DNAH8: variants seen among roughly 807,000 people sequenced by gnomAD.
The protein encoded by DNAH8 is axonemal beta dynein heavy chain 8.
A neutral mutation model predicts 562.1 loss-of-function variants in DNAH8; 382 were observed. That is an observed-to-expected ratio of 0.68 (90% CI 0.63 to 0.74). The LOEUF is 0.74. Ranked by LOEUF, DNAH8 falls within the 30% of genes least tolerant of loss-of-function variation. The pLI, the probability that DNAH8 is intolerant of heterozygous loss-of-function variation, is 0.00. For synonymous variants in DNAH8, 1,881 were observed against 1,919.4 expected (o/e 0.98, Z 0.52); for missense variants, 5,203 against 5,620.4 (o/e 0.93, Z 2.37).
chr6:38,906,262 A>G lies in DNAH8; in HGVS notation c.9203A>G (p.Asn3068Ser), dbSNP rs1382111352. 11 of 1,587,460 alleles carry G rather than the reference A, an allele frequency of 6.9e-6. No homozygotes were observed. The Admixed American group carries it at 7.1e-5, about 10-fold the overall frequency. ...IFQITLTRSYNVTNLTDDLKA... is the reference protein window; with the variant it reads ...IFQITLTRSYSVTNLTDDLKA... ...ATCATTTTTCTTCTTAGGTCTTACA[A>G]TGTGACTAATCTAACAGATGATTTA... The change falls in exon 63 of 93, where the codon AAT (asparagine) becomes AGT (serine). Residue 3068 changes from asparagine to serine, a missense_variant. Around this residue, in one of 6 missense-constraint regions of DNAH8, gnomAD observed 977 missense variants for 1,061.8 expected, o/e 0.92. Coordinates refer to ENST00000327475, the MANE Select transcript of DNAH8 (RefSeq NM_001206927.2).
At chr6:38,827,693 C>A (rs1773462295) in intron 29 of DNAH8, among the ~76,000 whole-genome samples, 1 of 122,042 alleles carries the variant, frequency 8.2e-6, no homozygotes, top group African/African-American at 3.1e-5. Context: ...ATTATTATAT[C>A]AAATTTTCCC....
At chr6:38,938,541 G>A (rs992976672) in intron 78 of DNAH8, among the ~76,000 whole-genome samples, 1 of 152,134 alleles carries the variant, frequency 6.6e-6, no homozygotes, top group African/African-American at 2.4e-5. Flanking sequence ...ACTAAATGAT[G>A]ATACCACATG....
chr6:38,717,952 A>C (rs1310057118), intron 1 of DNAH8, among the ~76,000 whole-genome samples: 2 of 152,208 alleles, frequency 1.3e-5, no homozygotes, highest in Admixed American at 1.3e-4. Flanking sequence ...GTATATACAC[A>C]TATACACACT....
chr6:38,789,397 G>C (rs533852570), intron 18 of DNAH8, among the ~76,000 whole-genome samples: 1 of 152,280 alleles, frequency 6.6e-6, no homozygotes, highest in African/African-American at 2.4e-5. Context: ...TTCTGTTTGT[G>C]TGGAAAAGCT....
intron 91 of DNAH8, among the ~76,000 whole-genome samples, chr6:39,026,076 T>G (rs1456954940): frequency 6.6e-6 from 1 of 152,234 alleles, no homozygotes; most frequent in Non-Finnish European, 1.5e-5. Flanking sequence ...TATTTTGGCA[T>G]TATGCCTTAT....
At chr6:38,954,067 G>A (rs891762873) in intron 82 of DNAH8, among the ~76,000 whole-genome samples, 38 of 152,188 alleles carry the variant, frequency 2.5e-4, no homozygotes, top group Non-Finnish European at 1.3e-4. Flanking sequence ...TGTAGAAAAA[G>A]AGGAGAAGGG....
chr6:38,821,784 A>C (rs1381099951), intron 26 of DNAH8, among the ~76,000 whole-genome samples: 1 of 152,166 alleles, frequency 6.6e-6, no homozygotes, highest in Non-Finnish European at 1.5e-5. Context: ...CTGGTCACGA[A>C]ATCTTGGACT....
rs1193989803 is a variant in DNAH8 at position 38,815,795 on chromosome 6, G to T, written c.3523+138G>T. On this transcript the variant is annotated intron_variant, in intron 26 of 92. Coordinates refer to ENST00000327475, the MANE Select transcript of DNAH8 (RefSeq NM_001206927.2). ...GTTTCATCTTAAACATAACGTGCAG[G>T]CATTTTTTCCTGGCTTTGGGTGGTG... is the stretch of plus-strand genomic sequence containing the variant. The T allele has an allele frequency of 7.4e-6, 6 of 814,152 alleles. No individual in the cohort carries two copies. In the Admixed American group the frequency reaches 9.5e-5, roughly 13 times the overall value. 50.4% of individuals were successfully genotyped at this position (814,152 alleles called of 1,614,324 possible).
chr6:38,801,165 GT>G (rs941020032), intron 21 of DNAH8, among the ~76,000 whole-genome samples: 9 of 151,912 alleles, frequency 5.9e-5, no homozygotes, highest in African/African-American at 1.4e-4. Context: ...TCCTCTAAGA[GT>G]TTTTTTTAGT....
At chr6:38,811,871 G>A (rs1237325265) in intron 24 of DNAH8, among the ~76,000 whole-genome samples, 1 of 152,068 alleles carries the variant, frequency 6.6e-6, no homozygotes, top group Non-Finnish European at 1.5e-5. Flanking sequence ...ACAGAACCAG[G>A]TCTTATTTCT....
At chr6:38,900,924 G>T (rs9349103) in intron 62 of DNAH8, among the ~76,000 whole-genome samples, 36,175 of 152,182 alleles carry the variant, frequency 0.24, 5,450 homozygotes, top group Non-Finnish European at 0.34. Context: ...TAGCAATTCT[G>T]TGTGTGGAGT....
At chr6:39,019,127 G>A (rs1332486462) in intron 91 of DNAH8, among the ~76,000 whole-genome samples, 3 of 152,078 alleles carry the variant, frequency 2.0e-5, no homozygotes, top group African/African-American at 7.2e-5. Flanking sequence ...GATAGAAAAG[G>A]GGTTGTGGGA....
chr6:38,813,914 CTGTTA>C (rs1158295289), intron 24 of DNAH8, 135 bp from the exon 25 acceptor site: 7 of 682,748 alleles, frequency 1.0e-5, no homozygotes, highest in African/African-American at 9.1e-5. Context: ...ATTTAGGGTT[CTGTTA>C]TAAGTAATAT....
At chr6:38,771,031 A>T (rs114464754) in intron 12 of DNAH8, among the ~76,000 whole-genome samples, 4,892 of 152,194 alleles carry the variant, frequency 0.032, 249 homozygotes, top group African/African-American at 0.11. Flanking sequence ...ATTTATTAGG[A>T]CTGGTTGGGA....
intron 70 of DNAH8, 30 bp from the exon 71 acceptor site, chr6:38,921,339 A>C: frequency 6.2e-7 from 1 of 1,607,750 alleles, no homozygotes; most frequent in Non-Finnish European, 8.5e-7. Flanking sequence ...TCATGCAGCT[A>C]ATACACTAAC....
chr6:38,959,449 C>T (rs571923330), intron 82 of DNAH8, among the ~76,000 whole-genome samples: 70 of 152,032 alleles, frequency 4.6e-4, no homozygotes, highest in South Asian at 2.9e-3. Context: ...TCAATCTACA[C>T]GAATTAGGGT....
At chr6:39,000,658 T>C (rs1210626275) in intron 88 of DNAH8, among the ~76,000 whole-genome samples, 1 of 152,196 alleles carries the variant, frequency 6.6e-6, no homozygotes, top group Non-Finnish European at 1.5e-5. Context: ...GAAAACAAGC[T>C]CAGGGCTCCC....
chr6:38,733,069 T>G (rs538694704), intron 4 of DNAH8, among the ~76,000 whole-genome samples: 1 of 152,212 alleles, frequency 6.6e-6, no homozygotes, highest in South Asian at 2.1e-4. Flanking sequence ...TTAAAAATTA[T>G]TTTGTATTGA....
intron 87 of DNAH8, among the ~76,000 whole-genome samples, chr6:38,989,145 G>A (rs1322934994): frequency 6.6e-6 from 1 of 152,196 alleles, no homozygotes; most frequent in African/African-American, 2.4e-5. Context: ...GAAGGTACTA[G>A]AGAACGTGTG....
Sources: gnomAD v4.1 joint callset for allele counts (sites outside exome capture counted in the v4.1 genomes callset) on GRCh38, gnomAD v4.1.1 for gene constraint, gnomAD v4.1.1 regional missense constraint, MANE v1.5 for transcripts, NCBI Gene and HGNC (gene_info 2026-07-23, HGNC 2026-07-21) for gene names.